The following CFAP69 variants were observed in gnomAD, a reference collection of about 807,000 sequenced individuals.
CFAP69 encodes cilia- and flagella-associated protein 69.
CFAP69 carries 92 observed loss-of-function variants against 123.0 expected under a neutral mutation model. The ratio of observed to expected loss-of-function variants is 0.75; its 90% CI spans 0.63 to 0.89. The LOEUF (loss-of-function observed/expected upper bound fraction) is 0.89. CFAP69 is among the 40% of genes least tolerant of loss of function. CFAP69 has a pLI of 0.00. For missense variants in CFAP69, 1,067 were observed against 1,096.9 expected (o/e 0.97, Z 0.39); for synonymous variants, 380 against 364.3 (o/e 1.04, Z -0.49).
chr7:90,264,100 AAAAAATATATATATATATATAT>A (rs1364111421), intron 4 of CFAP69, among the ~76,000 whole-genome samples: 2 of 33,062 alleles, frequency 6.0e-5, no homozygotes, highest in Admixed American at 3.2e-4. Context: ...CGAAAAAAAA[AAAAAATATATATATATATATAT>A]ATATATATAT....
chr7:90,245,331 C>G lies in CFAP69; in HGVS notation c.-94C>G, dbSNP rs1031357484. The G allele has an allele frequency of 5.6e-6, 8 of 1,422,636 alleles. No homozygotes were observed. Among genetic ancestry groups the G allele is most frequent in the Non-Finnish European group, 6.4e-6 (7 of 1,087,816 alleles). 88.1% of individuals were successfully genotyped at this position (1,422,636 alleles called of 1,614,324 possible). A position where few individuals can be genotyped will look rare whatever the true frequency, so the allele number is the denominator to read the frequency against. On this transcript the variant is annotated 5_prime_UTR_variant, in exon 1 of 23. Transcript: ENST00000389297. ...CTCTAGCGACTCTCAGGCTGCCTTCCCTTCTCGGTGGCGGGGCCTCTTTGG... is the reference window on the plus strand; with the variant it reads ...CTCTAGCGACTCTCAGGCTGCCTTCGCTTCTCGGTGGCGGGGCCTCTTTGG...
At chr7:90,291,572 C>A (rs899211684) in intron 15 of CFAP69, among the ~76,000 whole-genome samples, 2 of 152,160 alleles carry the variant, frequency 1.3e-5, no homozygotes, top group African/African-American at 4.8e-5. Flanking sequence ...GATGGAGTTG[C>A]TCTGGTTCAA....
Position 90,279,707 on chromosome 7 carries a change from T to C in CFAP69, c.1186T>C (p.Leu396=). The C allele has an allele frequency of 6.2e-7, 1 of 1,605,798 alleles. No individual in the cohort carries two copies. Among genetic ancestry groups the C allele is most frequent in the Non-Finnish European group, 8.5e-7 (1 of 1,177,304 alleles). The change falls in exon 12 of 23, where the codon TTG becomes CTG. Residue 396 remains leucine (L), a synonymous_variant. Transcript: ENST00000389297. ...AATTGATGGCAAAGTTATTTTGGCTTTGTTTACCTATGTTAAGAAGCCTGA... is the reference window on the plus strand; with the variant it reads ...AATTGATGGCAAAGTTATTTTGGCTCTGTTTACCTATGTTAAGAAGCCTGA... The part of the protein sequence containing the change: ...LLIDGKVILA[L]FTYVKKPEKQ...
At position 90,310,177 on chromosome 7, in the gene CFAP69, C is replaced by T. The variant is rs1180013615; in HGVS notation, c.2765C>T (p.Ala922Val). Residue 922 changes from alanine to valine, a missense_variant, in exon 23 of 23, where the codon GCC becomes GTC. Physicochemically the swap from Ala to Val is moderately conservative, Grantham distance 64. Transcript: ENST00000389297. ...AAAAAACTGCCCATTCGAGGAGGAG[C>T]CTTGCAGAGGGTGAAAGCAGTTAAA... Reference protein sequence around the residue: ...ALKKLPIRGGALQRVKAVKIV... With the variant: ...ALKKLPIRGGVLQRVKAVKIV... 6.2e-7 allele frequency: 1 copy of T among 1,613,770 alleles called. No homozygotes were observed. Among genetic ancestry groups the T allele is most frequent in the South Asian group, 1.1e-5 (1 of 91,058 alleles).
At chr7:90,283,135 A>C (rs1260404599) in intron 13 of CFAP69, 79 bp downstream of exon 13, 1 of 1,117,164 alleles carries the variant, frequency 9.0e-7, no homozygotes, top group African/African-American at 1.6e-5. Flanking sequence ...TGTTTTTCCA[A>C]AATTTATTTT....
chr7:90,255,327 A>G (rs912842425), intron 1 of CFAP69, 96 bp from the exon 2 acceptor site: 2 of 945,392 alleles, frequency 2.1e-6, no homozygotes, highest in Admixed American at 2.1e-5. Context: ...ACATTTTTTA[A>G]GTTACCAAGG....
chr7:90,290,344 T>C (rs1288742895), intron 15 of CFAP69, among the ~76,000 whole-genome samples: 1 of 152,178 alleles, frequency 6.6e-6, no homozygotes, highest in South Asian at 2.1e-4. Flanking sequence ...AGCTGGATGC[T>C]TGAAGCCCAA....
intron 18 of CFAP69, 60 bp from the exon 19 acceptor site, chr7:90,304,684 T>TAGATAGA: frequency 7.1e-7 from 1 of 1,409,128 alleles, no homozygotes; most frequent in Non-Finnish European, 9.5e-7. Flanking sequence ...GATAGATAGA[T>TAGATAGA]AGATTCTTAG....
rs1794256243 is a variant in CFAP69, at chr7:90,310,841, A to G, written c.*603A>G. 6.6e-6 allele frequency: 1 copy of G among 152,208 alleles called. No individual in the cohort carries two copies. The highest frequency in any genetic ancestry group is 1.5e-5 in the Non-Finnish European group (1 of 68,054). The allele number at this position is 152,208 out of a possible 1,614,324, so 9.4% of individuals were successfully genotyped here. A position where few individuals can be genotyped will look rare whatever the true frequency, so the allele number is the denominator to read the frequency against. On this transcript the variant is annotated 3_prime_UTR_variant, in exon 23 of 23. Coordinates refer to ENST00000389297, the MANE Select transcript of CFAP69 (RefSeq NM_001039706.3). Reference sequence around the variant, plus strand: ...GAAGCAGGGCAACTCCATCCAAAACATATGGATAGAGTGGGGAATCAGGGT... The same window carrying G: ...GAAGCAGGGCAACTCCATCCAAAACGTATGGATAGAGTGGGGAATCAGGGT...
At chr7:90,250,235 A>AGAGAGAGAGAG (rs1267005649) in intron 1 of CFAP69, among the ~76,000 whole-genome samples, 11 of 134,258 alleles carry the variant, frequency 8.2e-5, no homozygotes, top group Non-Finnish European at 1.4e-4. Context: ...AGAGAGAGAG[A>AGAGAGAGAGAG]CTCCTTGGTT....
intron 15 of CFAP69, among the ~76,000 whole-genome samples, chr7:90,293,765 C>A (rs1791539123): frequency 6.6e-6 from 1 of 152,186 alleles, no homozygotes; most frequent in Non-Finnish European, 1.5e-5. Flanking sequence ...ATGTACTAGG[C>A]ATGGAGCCTA....
intron 18 of CFAP69, chr7:90,304,432 C>G: frequency 3.3e-6 from 4 of 1,196,902 alleles, no homozygotes; most frequent in Non-Finnish European, 3.1e-6. Flanking sequence ...TCTTTGCTGT[C>G]TATTAAGGAA....
At chr7:90,288,400 T>A (rs748157736) in intron 15 of CFAP69, 48 bp downstream of exon 15, 1 of 1,586,250 alleles carries the variant, frequency 6.3e-7, no homozygotes, top group Non-Finnish European at 8.6e-7. Context: ...CAGTCATGCA[T>A]CACTTTACAA....
At chr7:90,299,750 G>T (rs1792495820) in intron 16 of CFAP69, 117 bp from the exon 17 acceptor site, 1 of 811,538 alleles carries the variant, frequency 1.2e-6, no homozygotes, top group African/African-American at 1.8e-5. Flanking sequence ...AGATTTTCCT[G>T]ACTCTGAGTT....
At chr7:90,287,871 T>A (rs1562897165) in intron 14 of CFAP69, 2 of 454,494 alleles carry the variant, frequency 4.4e-6, no homozygotes, top group Non-Finnish European at 5.8e-6. Context: ...TAGTTCTTAC[T>A]ATCTAAGAAT....
chr7:90,274,223 G>A, intron 9 of CFAP69, 113 bp downstream of exon 9: 1 of 1,284,166 alleles, frequency 7.8e-7, no homozygotes, highest in South Asian at 1.4e-5. Flanking sequence ...GCTAAGTTAT[G>A]CTGTAATATC....
rs1798774197 is a variant in CFAP69, at chr7:90,264,107, ATATATATAT to A, written c.357-1193_357-1185del. On this transcript the variant is annotated intron_variant, in intron 4 of 22. Coordinates refer to ENST00000389297, the MANE Select transcript of CFAP69 (RefSeq NM_001039706.3). The stretch of plus-strand genomic sequence containing the variant: ...CTCCATCTCGAAAAAAAAAAAAAAT[ATATATATAT>A]ATATATATATATATATATATATATA... Among the ~76,000 whole-genome samples the A allele has an allele frequency of 6.1e-3, 376 of 61,928 alleles. 12 individuals are homozygous for A. Among genetic ancestry groups the A allele is most frequent in the East Asian group, 0.01 (17 of 1,632 alleles). The allele number at this position is 61,928 out of a possible 152,430, so 40.6% of individuals were successfully genotyped here.
downstream of CFAP69, among the ~76,000 whole-genome samples, chr7:90,314,610 C>CA (rs1248058449): frequency 5.5e-4 from 70 of 127,326 alleles, 1 homozygote; most frequent in East Asian, 9.1e-3. Flanking sequence ...AAGACCCTGC[C>CA]AAAAAAAAAG....
chr7:90,310,030 T>C, intron 22 of CFAP69, 38 bp from the exon 23 acceptor site: 1 of 1,541,134 alleles, frequency 6.5e-7, no homozygotes, highest in African/African-American at 1.4e-5. Context: ...GAAAATTGTG[T>C]AAATGGACTT....
Sources: gnomAD v4.1 joint callset for allele counts (sites outside exome capture counted in the v4.1 genomes callset) on GRCh38, gnomAD v4.1.1 for gene constraint, MANE v1.5 for transcripts, NCBI Gene and HGNC (gene_info 2026-07-23, HGNC 2026-07-21) for gene names.